The following DNAH11 variants were observed in gnomAD, a reference collection of about 807,000 sequenced individuals.
DNAH11 encodes the protein dynein axonemal heavy chain 11.
DNAH11 carries 442 observed loss-of-function variants against 526.0 expected under a neutral mutation model. That is an observed-to-expected ratio of 0.84 (90% CI 0.78 to 0.91). The LOEUF is 0.91. DNAH11 is among the 40% of genes least tolerant of loss of function. The pLI, the probability that DNAH11 is intolerant of heterozygous loss-of-function variation, is 0.00. For synonymous variants in DNAH11, 2,461 were observed against 1,935.9 expected, an observed-to-expected ratio of 1.27 and a Z score of -7.12; for missense variants, 6,989 against 5,448.7, an observed-to-expected ratio of 1.28 and a Z score of -8.90.
rs144452934 is a variant in DNAH11, at chr7:21,611,590, A to G, written c.3853-3524A>G. Among the ~76,000 whole-genome samples, 22 of 152,340 alleles carry G rather than the reference A, an allele frequency of 1.4e-4. 1 individual carries two copies. Among genetic ancestry groups the G allele is most frequent in the Non-Finnish European group, 3.2e-4 (22 of 68,030 alleles). On this transcript the variant is annotated intron_variant, in intron 20 of 81. Transcript: ENST00000409508. The stretch of plus-strand genomic sequence containing the variant: ...ATTCACCAAATCCCAACCAGGATAA[A>G]TACAAAGACTGCATCTAGACACATC...
At chr7:21,578,054 A>C (rs1217915269) in intron 8 of DNAH11, among the ~76,000 whole-genome samples, 1 of 152,158 alleles carries the variant, frequency 6.6e-6, no homozygotes, top group Non-Finnish European at 1.5e-5. Flanking sequence ...TCATGATGGA[A>C]GATGAAGGGG....
At chr7:21,729,326 T>C (rs1000199272) in intron 45 of DNAH11, among the ~76,000 whole-genome samples, 1 of 152,230 alleles carries the variant, frequency 6.6e-6, no homozygotes, top group Non-Finnish European at 1.5e-5. Context: ...TGGCTTCTTC[T>C]GAAATAGCTG....
At position 21,900,882 on chromosome 7, in the gene DNAH11, C is replaced by T. The variant is rs1784775039; in HGVS notation, c.13304-125C>T. ...CAGTCCGGCCAGCTCAGTAAAAATA[C>T]CACTGACAAGCAAAAATATGACAAA... On this transcript the variant is annotated intron_variant, in intron 81 of 81. Transcript: ENST00000409508. 3 of 1,450,568 alleles carry T rather than the reference C, an allele frequency of 2.1e-6. No individual in the cohort carries two copies. The African/African-American group carries it at 4.3e-5, about 21-fold the overall frequency. 89.9% of individuals were successfully genotyped at this position (1,450,568 alleles called of 1,614,324 possible). A position where few individuals can be genotyped will look rare whatever the true frequency, so the allele number is the denominator to read the frequency against.
At chr7:21,788,481 A>C (rs1380961150) in intron 60 of DNAH11, among the ~76,000 whole-genome samples, 2 of 151,954 alleles carry the variant, frequency 1.3e-5, no homozygotes, top group African/African-American at 4.8e-5. Flanking sequence ...CTTGTACAGT[A>C]GGTGAAAAGA....
intron 61 of DNAH11, among the ~76,000 whole-genome samples, chr7:21,791,928 T>G (rs569186048): frequency 5.9e-5 from 9 of 152,298 alleles, no homozygotes; most frequent in African/African-American, 1.9e-4. Flanking sequence ...GGGGTTTAAT[T>G]GGCCCATGAT....
Position 21,892,626 on chromosome 7 carries a change from G to A in DNAH11, c.12709G>A (p.Ala4237Thr), listed in dbSNP as rs762656804. ...TTTGCTGGAGATGCAGCCCAGGAAT[G>A]CACTCAGTGGTGATGAACTGGGGCA... ...RTLLEMQPRNALSGDELGQST... is the reference protein window; with the variant it reads ...RTLLEMQPRNTLSGDELGQST... The change falls in exon 77 of 82, where the codon GCA (alanine) becomes ACA (threonine). Residue 4237 changes from alanine (A) to threonine (T), a missense_variant. Ala to Thr is a moderately conservative substitution (Grantham distance 58, BLOSUM62 0). Transcript: ENST00000409508. The A allele has an allele frequency of 6.2e-7, 1 of 1,612,608 alleles. No homozygotes were observed. Among genetic ancestry groups the A allele is most frequent in the Non-Finnish European group, 8.5e-7 (1 of 1,179,082 alleles).
chr7:21,735,164 C>G (rs1330219737), intron 45 of DNAH11, among the ~76,000 whole-genome samples: 1 of 152,114 alleles, frequency 6.6e-6, no homozygotes, highest in African/African-American at 2.4e-5. Flanking sequence ...AGCAAGACAC[C>G]GTCTCAGAAC....
intron 34 of DNAH11, among the ~76,000 whole-genome samples, chr7:21,689,896 A>G (rs1033787066): frequency 1.1e-4 from 16 of 152,136 alleles, no homozygotes; most frequent in Non-Finnish European, 1.6e-4. Flanking sequence ...CTGTCTCTCA[A>G]TATGGCTCCC....
Position 21,698,201 on chromosome 7 carries a change from T to C in DNAH11, c.6168T>C (p.Leu2056=). The C allele has an allele frequency of 6.2e-7, 1 of 1,613,554 alleles. No individual in the cohort carries two copies. Among genetic ancestry groups the C allele is most frequent in the South Asian group, 1.1e-5 (1 of 90,998 alleles). ...FITLYTLCKE[L]LSKQDHYDWG... Reference sequence around the variant, plus strand: ...CGTTGTACACGCTTTGCAAGGAGCTTCTCTCCAAGCAGGTGAGGGATCATT... The same window carrying C: ...CGTTGTACACGCTTTGCAAGGAGCTCCTCTCCAAGCAGGTGAGGGATCATT... Residue 2056 remains leucine (L), a synonymous_variant, in exon 36 of 82, where the codon CTT becomes CTC. Transcript: ENST00000409508.
chr7:21,588,579 A>G lies in DNAH11; in HGVS notation c.1916A>G (p.Gln639Arg), dbSNP rs12670130. The G allele has an allele frequency of 0.16, 258,086 of 1,612,248 alleles. 21,350 individuals carry two copies. Among genetic ancestry groups the G allele is most frequent in the Middle Eastern group, 0.2 (1,201 of 6,056 alleles). The change falls in exon 11 of 82, where the codon CAG (glutamine) becomes CGG (arginine). Residue 639 changes from glutamine to arginine, a missense_variant. Coordinates refer to ENST00000409508, the MANE Select transcript of DNAH11 (RefSeq NM_001277115.2). ...PFTSGNMKWA[Q>R]QVLQRLQMFW... Reference sequence around the variant, plus strand: ...ACCTCAGGAAATATGAAATGGGCCCAGCAGGTTCTCCAACGACTTCAAATG... The same window carrying G: ...ACCTCAGGAAATATGAAATGGGCCCGGCAGGTTCTCCAACGACTTCAAATG...
intron 49 of DNAH11, among the ~76,000 whole-genome samples, chr7:21,742,645 C>G (rs17354984): frequency 0.025 from 3,814 of 152,262 alleles, 60 homozygotes; most frequent in Middle Eastern, 0.048. Flanking sequence ...CAAACCATTA[C>G]CATACTGTTA....
intron 74 of DNAH11, among the ~76,000 whole-genome samples, chr7:21,877,066 G>C (rs1429334137): frequency 1.3e-5 from 2 of 152,166 alleles, no homozygotes; most frequent in Non-Finnish European, 2.9e-5. Context: ...TGTATGGATA[G>C]ATTGATGAAT....
At chr7:21,870,066 C>A (rs1018510510) in intron 73 of DNAH11, among the ~76,000 whole-genome samples, 2 of 152,204 alleles carry the variant, frequency 1.3e-5, no homozygotes, top group Non-Finnish European at 2.9e-5. Flanking sequence ...GGAATCATTA[C>A]AACAAAGCTC....
chr7:21,667,646 A>G (rs903071917), intron 30 of DNAH11, among the ~76,000 whole-genome samples: 2 of 152,142 alleles, frequency 1.3e-5, no homozygotes, highest in African/African-American at 4.8e-5. Context: ...CATTAACATG[A>G]GAGTTGGTTC....
intron 65 of DNAH11, among the ~76,000 whole-genome samples, chr7:21,824,910 C>T (rs112578972): frequency 0.092 from 14,007 of 152,188 alleles, 1,419 homozygotes; most frequent in African/African-American, 0.25. Flanking sequence ...CTTGCTCTGT[C>T]ATCCAGGCTG....
chr7:21,779,864 A>G (rs995182197), intron 57 of DNAH11, among the ~76,000 whole-genome samples: 3 of 152,220 alleles, frequency 2.0e-5, no homozygotes, highest in Non-Finnish European at 1.5e-5. Context: ...TAGACAAAAA[A>G]GTATAATCAG....
intron 48 of DNAH11, among the ~76,000 whole-genome samples, chr7:21,740,002 A>G (rs1028249556): frequency 6.6e-6 from 1 of 152,152 alleles, no homozygotes; most frequent in African/African-American, 2.4e-5. Context: ...ATTATTATTA[A>G]CTAAAGTTCA....
At chr7:21,589,608 G>A (rs946921221) in intron 12 of DNAH11, among the ~76,000 whole-genome samples, 1 of 151,920 alleles carries the variant, frequency 6.6e-6, no homozygotes, top group African/African-American at 2.4e-5. Flanking sequence ...TATTGTAATT[G>A]TTTCTTTACC....
intron 54 of DNAH11, among the ~76,000 whole-genome samples, chr7:21,763,886 C>G (rs1447419950): frequency 6.6e-6 from 1 of 151,100 alleles, no homozygotes; most frequent in Non-Finnish European, 1.5e-5. Flanking sequence ...TGTCATATGT[C>G]AACATGGATG....
Sources: gnomAD v4.1 joint callset for allele counts (sites outside exome capture counted in the v4.1 genomes callset) on GRCh38, gnomAD v4.1.1 for gene constraint, MANE v1.5 for transcripts, NCBI Gene and HGNC (gene_info 2026-07-23, HGNC 2026-07-21) for gene names.